Variants in THADA observed in about 807,000 individuals in gnomAD.
The protein encoded by THADA is tRNA (32-2'-O)-methyltransferase regulator THADA.
In THADA, 213 loss-of-function variants were observed where a neutral mutation model predicts 219.8. That is an observed-to-expected ratio of 0.97 (90% CI 0.87 to 1.09). THADA has a LOEUF of 1.09. Among genes scored for constraint, THADA ranks in the 50% least tolerant of loss-of-function variants. The pLI, the probability that THADA is intolerant of heterozygous loss-of-function variation, is 0.00. For missense variants in THADA, 2,956 were observed against 2,311.3 expected (o/e 1.28, Z -5.72); for synonymous variants, 1,018 against 828.9 (o/e 1.23, Z -3.92).
intron 25 of THADA, among the ~76,000 whole-genome samples, chr2:43,493,848 G>T (rs540016219): frequency 1.8e-4 from 27 of 152,220 alleles, no homozygotes; most frequent in African/African-American, 6.5e-4. Context: ...TCTTTTGGTA[G>T]AACTATTACA....
At chr2:43,273,280 A>G in intron 36 of THADA, among the ~76,000 whole-genome samples, 1 of 152,098 alleles carries the variant, frequency 6.6e-6, no homozygotes, top group Non-Finnish European at 1.5e-5. Context: ...CAAAAAAAAA[A>G]AAAAGAAGAA....
intron 30 of THADA, among the ~76,000 whole-genome samples, chr2:43,329,038 G>A (rs1373946962): frequency 6.6e-6 from 1 of 152,162 alleles, no homozygotes; most frequent in Non-Finnish European, 1.5e-5. Flanking sequence ...TGGGGCTTGG[G>A]ATTTGTTCAA....
At chr2:43,539,508 A>T (rs1390907017) in intron 21 of THADA, among the ~76,000 whole-genome samples, 1 of 152,212 alleles carries the variant, frequency 6.6e-6, no homozygotes, top group Non-Finnish European at 1.5e-5. Context: ...CTAAACTGAG[A>T]CATTTCTTTA....
At chr2:43,502,890 G>A (rs187177225) in intron 24 of THADA, among the ~76,000 whole-genome samples, 3 of 151,990 alleles carry the variant, frequency 2.0e-5, no homozygotes, top group Admixed American at 6.6e-5. Flanking sequence ...AAAATGAAGG[G>A]ACAAATAACC....
intron 37 of THADA, 126 bp downstream of exon 37, chr2:43,232,587 A>G: frequency 9.5e-7 from 1 of 1,050,032 alleles, no homozygotes; most frequent in Non-Finnish European, 1.4e-6. Flanking sequence ...CCAGTGGGTG[A>G]CTTTCCTAGT....
At chr2:43,500,620 A>C (rs149916296) in intron 24 of THADA, among the ~76,000 whole-genome samples, 4 of 152,352 alleles carry the variant, frequency 2.6e-5, no homozygotes, top group Admixed American at 2.6e-4. Flanking sequence ...TTTCCTTAAT[A>C]AGATACTGGG....
intron 29 of THADA, among the ~76,000 whole-genome samples, chr2:43,390,354 G>A (rs1673215352): frequency 6.6e-6 from 1 of 152,118 alleles, no homozygotes; most frequent in Non-Finnish European, 1.5e-5. Context: ...TTTCCTATGG[G>A]TAAAGATAGT....
chr2:43,350,420 T>C (rs1055415450), intron 29 of THADA, among the ~76,000 whole-genome samples: 3 of 152,232 alleles, frequency 2.0e-5, no homozygotes, highest in African/African-American at 7.2e-5. Flanking sequence ...GAAAGGTCTC[T>C]AACAATACAG....
chr2:43,293,911 C>A (rs1000601054), intron 31 of THADA, among the ~76,000 whole-genome samples: 20 of 152,176 alleles, frequency 1.3e-4, no homozygotes, highest in African/African-American at 3.4e-4. Flanking sequence ...TCACAAATCT[C>A]CTGCATGGTT....
intron 26 of THADA, among the ~76,000 whole-genome samples, chr2:43,446,380 G>C (rs1681558944): frequency 6.6e-6 from 1 of 152,178 alleles, no homozygotes; most frequent in African/African-American, 2.4e-5. Flanking sequence ...GTGACACTGT[G>C]CTAGTTCTGG....
At chr2:43,577,824 A>G (rs1021709080) in intron 9 of THADA, among the ~76,000 whole-genome samples, 4 of 152,170 alleles carry the variant, frequency 2.6e-5, no homozygotes, top group Non-Finnish European at 4.4e-5. Context: ...TTCTCAATAA[A>G]GAATACATTT....
intron 25 of THADA, among the ~76,000 whole-genome samples, chr2:43,487,629 T>C (rs1050198179): frequency 6.6e-6 from 1 of 152,152 alleles, no homozygotes; most frequent in African/African-American, 2.4e-5. Flanking sequence ...TCCAAGGAGT[T>C]AGGTGGTGGA....
chr2:43,528,024 T>C (rs1248677212), intron 21 of THADA, 36 bp from the exon 22 acceptor site: 4 of 1,514,684 alleles, frequency 2.6e-6, no homozygotes, highest in East Asian at 2.3e-5. Context: ...GTCCGATTTA[T>C]GTTTACATTC....
At chr2:43,587,937 T>C (rs1701179024) in intron 4 of THADA, among the ~76,000 whole-genome samples, 1 of 152,198 alleles carries the variant, frequency 6.6e-6, no homozygotes, top group African/African-American at 2.4e-5. Flanking sequence ...GTTTTAAATA[T>C]AACTGGACAG....
chr2:43,279,804 T>G lies in THADA; in HGVS notation c.5257A>C (p.Thr1753Pro), dbSNP rs1490395307. The change falls in exon 36 of 38, where the codon ACA (threonine) becomes CCA (proline). Residue 1753 changes from threonine (T) to proline (P), a missense_variant. Transcript: ENST00000405975. ...GTATTTTCTTGTGACATGGCAGTTG[T>G]CACGGTTTCCGTGGCTGCATCTCTA... Reference protein sequence around the residue: ...AVRDAATETVTTAMSQENTCQ... With the variant: ...AVRDAATETVPTAMSQENTCQ... 6.4e-7 allele frequency: 1 copy of G among 1,553,994 alleles called. No individual in the cohort carries two copies. Among genetic ancestry groups the G allele is most frequent in the Non-Finnish European group, 8.7e-7 (1 of 1,148,370 alleles).
At chr2:43,441,010 A>G (rs759480858) in intron 26 of THADA, among the ~76,000 whole-genome samples, 2 of 152,236 alleles carry the variant, frequency 1.3e-5, no homozygotes, top group Non-Finnish European at 2.9e-5. Flanking sequence ...CTGAAAATTA[A>G]ACTTCAGTGA....
intron 22 of THADA, among the ~76,000 whole-genome samples, chr2:43,510,065 C>T (rs542542350): frequency 1.3e-4 from 20 of 152,232 alleles, no homozygotes; most frequent in Admixed American, 1.1e-3. Context: ...GTAAAACAGA[C>T]ACTGTCAAGT....
intron 25 of THADA, chr2:43,492,304 C>T (rs1687736548): frequency 6.8e-6 from 1 of 146,676 alleles, no homozygotes; most frequent in African/African-American, 2.5e-5. Flanking sequence ...CACAGTGAGA[C>T]TCTGTCTCAA....
chr2:43,266,655 A>G (rs2104240898), intron 36 of THADA, among the ~76,000 whole-genome samples: 1 of 152,312 alleles, frequency 6.6e-6, no homozygotes, highest in South Asian at 2.1e-4. Context: ...TGGAGGCCTC[A>G]GCCCTTAAAA....
Sources: allele counts gnomAD v4.1 joint callset (sites outside exome capture counted in the v4.1 genomes callset), GRCh38; gene constraint gnomAD v4.1.1; transcripts MANE v1.5; gene names NCBI Gene and HGNC (gene_info 2026-07-23, HGNC 2026-07-21).